WIPF2: variants seen among roughly 807,000 people sequenced by gnomAD.
WIPF2 encodes the protein WAS/WASL interacting protein family member 2, also known as WAS/WASL-interacting protein family member 2.
In WIPF2, 23 loss-of-function variants were observed where a neutral mutation model predicts 38.8. That is an observed-to-expected ratio of 0.59 (90% CI 0.43 to 0.84). The LOEUF is 0.84. Among genes scored for constraint, WIPF2 ranks in the 40% least tolerant of loss-of-function variants. The pLI is 0.00. For synonymous variants in WIPF2, 210 were observed against 223.2 expected (o/e 0.94, Z 0.53); for missense variants, 574 against 580.5 (o/e 0.99, Z 0.11).
intron 1 of WIPF2, among the ~76,000 whole-genome samples, chr17:40,236,480 G>A (rs2030973828): frequency 6.7e-6 from 1 of 150,076 alleles, no homozygotes; most frequent in Non-Finnish European, 1.5e-5. Flanking sequence ...TGGAACTACA[G>A]GCGTGTGTAG....
At chr17:40,265,983 A>T (rs1202680933) in intron 5 of WIPF2, among the ~76,000 whole-genome samples, 1 of 152,134 alleles carries the variant, frequency 6.6e-6, no homozygotes, top group Non-Finnish European at 1.5e-5. Flanking sequence ...CTGTTAGGTA[A>T]TCAAGAAGAG....
intron 4 of WIPF2, among the ~76,000 whole-genome samples, chr17:40,263,004 A>C (rs1240170027): frequency 2.0e-5 from 3 of 152,322 alleles, no homozygotes; most frequent in South Asian, 4.1e-4. Flanking sequence ...GAAACAGTTG[A>C]ACTCACTCGT....
chr17:40,255,030 G>A (rs146234463), intron 1 of WIPF2, among the ~76,000 whole-genome samples: 15 of 152,054 alleles, frequency 9.9e-5, no homozygotes, highest in African/African-American at 2.7e-4. Context: ...CACTGTGCCC[G>A]GCCTGATTTT....
intron 2 of WIPF2, among the ~76,000 whole-genome samples, chr17:40,257,440 AAAGC>A (rs952391796): frequency 2.6e-5 from 4 of 152,132 alleles, no homozygotes; most frequent in Admixed American, 6.5e-5. Context: ...AATAGGAAAA[AAAGC>A]AATGTGATTT....
chr17:40,222,343 C>T (rs1372213144), intron 1 of WIPF2, among the ~76,000 whole-genome samples: 7 of 151,504 alleles, frequency 4.6e-5, no homozygotes, highest in Admixed American at 1.3e-4. Flanking sequence ...TGAGCCACCG[C>T]GCCTGGCCGA....
intron 2 of WIPF2, among the ~76,000 whole-genome samples, chr17:40,260,299 T>C (rs1056529912): frequency 6.7e-6 from 1 of 150,242 alleles, no homozygotes; most frequent in African/African-American, 2.5e-5. Context: ...GCGATTCTCC[T>C]GTCTCAGCCT....
At position 40,281,105 on chromosome 17, in the gene WIPF2, C is replaced by T. The variant is rs2032536955; in HGVS notation, c.*2880C>T. The T allele has an allele frequency of 6.6e-6, 1 of 152,326 alleles. No homozygotes were observed. The highest frequency in any genetic ancestry group is 2.1e-4 in the South Asian group (1 of 4,826). The allele number at this position is 152,326 out of a possible 1,614,324, so 9.4% of individuals were successfully genotyped here. ...TCACCTTTTAAACTGCTCTTTTTAT[C>T]TGCTTGTGGGAATGTCGTCTCTTTC... On this transcript the variant is annotated 3_prime_UTR_variant, in exon 8 of 8. Coordinates refer to ENST00000323571, the MANE Select transcript of WIPF2 (RefSeq NM_133264.5).
At chr17:40,246,262 T>A (rs1431944886) in intron 1 of WIPF2, among the ~76,000 whole-genome samples, 1 of 151,416 alleles carries the variant, frequency 6.6e-6, no homozygotes, top group Non-Finnish European at 1.5e-5. Context: ...AATTTTTGTG[T>A]TTTAGTAGAG....
At chr17:40,235,569 CT>C (rs777748624) in intron 1 of WIPF2, among the ~76,000 whole-genome samples, 13,587 of 119,814 alleles carry the variant, frequency 0.11, 363 homozygotes, top group East Asian at 0.22. Context: ...GAGAGTGAGA[CT>C]TTTTTTTTTT....
intron 1 of WIPF2, among the ~76,000 whole-genome samples, chr17:40,240,514 G>GTT (rs797018773): frequency 1.5e-4 from 21 of 140,742 alleles, no homozygotes; most frequent in Admixed American, 3.6e-4. Context: ...GCAGTGTTTT[G>GTT]TTTTTTTTTT....
In WIPF2 at chr17:40,246,968, G is replaced by A. The variant is rs571312175; in HGVS notation, c.-69-9423G>A. Among the ~76,000 whole-genome samples the A allele has an allele frequency of 7.9e-5, 12 of 151,728 alleles. No individual in the cohort carries two copies. The South Asian group carries it at 1.5e-3, about 18-fold the overall frequency. Reference sequence around the variant, plus strand: ...CTACTAAAAATACAAGAAATTAGCCGGGTGTGGTGGTGTGCGCCTATAATC... The same window carrying A: ...CTACTAAAAATACAAGAAATTAGCCAGGTGTGGTGGTGTGCGCCTATAATC... On this transcript the variant is annotated intron_variant, in intron 1 of 7. Coordinates refer to ENST00000323571, the MANE Select transcript of WIPF2 (RefSeq NM_133264.5).
chr17:40,240,057 T>C (rs538790164), intron 1 of WIPF2, among the ~76,000 whole-genome samples: 2 of 151,560 alleles, frequency 1.3e-5, no homozygotes, highest in South Asian at 2.1e-4. Flanking sequence ...CCATTTGTTA[T>C]ACAGACTTTT....
At chr17:40,228,017 T>TG (rs1222826465) in intron 1 of WIPF2, among the ~76,000 whole-genome samples, 9 of 119,044 alleles carry the variant, frequency 7.6e-5, no homozygotes, top group African/African-American at 2.7e-4. Context: ...TTTGTTTTTT[T>TG]TTTTTTTTTT....
At chr17:40,234,100 G>T (rs1159755882) in intron 1 of WIPF2, among the ~76,000 whole-genome samples, 1 of 152,048 alleles carries the variant, frequency 6.6e-6, no homozygotes, top group Non-Finnish European at 1.5e-5. Context: ...CAGGCACAGT[G>T]GCTCACGCCT....
chr17:40,255,528 T>A (rs1380290541), intron 1 of WIPF2, among the ~76,000 whole-genome samples: 2 of 151,854 alleles, frequency 1.3e-5, no homozygotes, highest in Non-Finnish European at 2.9e-5. Flanking sequence ...TTTCTCCATG[T>A]TGGTCAGGCT....
chr17:40,223,377 A>G (rs1487638814), intron 1 of WIPF2, among the ~76,000 whole-genome samples: 1 of 151,958 alleles, frequency 6.6e-6, no homozygotes, highest in Non-Finnish European at 1.5e-5. Context: ...TCCACCTCAC[A>G]CTTGATACTA....
intron 1 of WIPF2, among the ~76,000 whole-genome samples, chr17:40,233,090 A>G (rs1463821287): frequency 6.6e-6 from 1 of 152,184 alleles, no homozygotes; most frequent in Non-Finnish European, 1.5e-5. Context: ...GCAGAGATTC[A>G]GGTCACATTA....
At chr17:40,251,990 G>A (rs1016323857) in intron 1 of WIPF2, among the ~76,000 whole-genome samples, 5 of 152,084 alleles carry the variant, frequency 3.3e-5, no homozygotes, top group Non-Finnish European at 1.5e-5. Flanking sequence ...GGGTCTTGCT[G>A]TGTTGCCTAG....
At chr17:40,224,492 C>T (rs1374823451) in intron 1 of WIPF2, among the ~76,000 whole-genome samples, 4 of 150,246 alleles carry the variant, frequency 2.7e-5, no homozygotes, top group African/African-American at 7.3e-5. Flanking sequence ...GTGATCCACC[C>T]GCCTCGGCCT....
Sources: gnomAD v4.1 joint callset for allele counts (sites outside exome capture counted in the v4.1 genomes callset) on GRCh38, gnomAD v4.1.1 for gene constraint, MANE v1.5 for transcripts, NCBI Gene and HGNC (gene_info 2026-07-23, HGNC 2026-07-21) for gene names.